SCHIP1: variants seen among roughly 807,000 people sequenced by gnomAD.
SCHIP1 encodes the protein schwannomin interacting protein 1, also known as schwannomin-interacting protein 1.
Under a neutral mutation model 29.7 loss-of-function variants are expected in SCHIP1, and 8 were observed. The ratio of observed to expected loss-of-function variants is 0.27; its 90% confidence interval spans 0.16 to 0.49. SCHIP1 has a LOEUF of 0.49. SCHIP1 is among the 20% of genes least tolerant of loss of function. The pLI, the probability that SCHIP1 is intolerant of heterozygous loss-of-function variation, is 0.99. For synonymous variants in SCHIP1, 76 were observed against 94.9 expected (o/e 0.80, Z 1.16); for missense variants, 193 against 294.6 (o/e 0.66, Z 2.52).
At chr3:159,357,326 G>T in the SCHIP1 span, among the ~76,000 whole-genome samples, 1 of 152,174 alleles carries the variant, frequency 6.6e-6, no homozygotes, top group Non-Finnish European at 1.5e-5. Context: ...AGGAGAAAGT[G>T]CCCTTTTCTG....
At chr3:159,363,840 TG>T in the SCHIP1 span, among the ~76,000 whole-genome samples, 1 of 152,208 alleles carries the variant, frequency 6.6e-6, no homozygotes, top group African/African-American at 2.4e-5. Context: ...GGATACTTTT[TG>T]ATAATGATAA....
chr3:159,647,058 C>T, the SCHIP1 span, among the ~76,000 whole-genome samples: 130 of 151,532 alleles, frequency 8.6e-4, 1 homozygote, highest in South Asian at 5.4e-3. Flanking sequence ...ATAAGGTAAC[C>T]GAAATGGAAT....
the SCHIP1 span, among the ~76,000 whole-genome samples, chr3:159,476,492 G>A: frequency 6.6e-6 from 1 of 151,954 alleles, no homozygotes; most frequent in Non-Finnish European, 1.5e-5. Context: ...AAAATATTTA[G>A]GTATACCAAA....
At chr3:159,757,884 G>C in the SCHIP1 span, among the ~76,000 whole-genome samples, 1 of 152,290 alleles carries the variant, frequency 6.6e-6, no homozygotes, top group African/African-American at 2.4e-5. Context: ...GTCAAGACAT[G>C]ACCAAAACAG....
At chr3:159,385,547 A>G in the SCHIP1 span, among the ~76,000 whole-genome samples, 2 of 150,132 alleles carry the variant, frequency 1.3e-5, no homozygotes, top group Admixed American at 6.7e-5. Flanking sequence ...ATAGATCAAG[A>G]GCAAGACTCT....
the SCHIP1 span, among the ~76,000 whole-genome samples, chr3:159,813,253 A>G: frequency 6.6e-6 from 1 of 152,324 alleles, no homozygotes; most frequent in East Asian, 1.9e-4. Context: ...TCAATTCACC[A>G]TCTTATTATT....
At chr3:159,702,999 A>G in the SCHIP1 span, among the ~76,000 whole-genome samples, 3 of 152,220 alleles carry the variant, frequency 2.0e-5, no homozygotes, top group Non-Finnish European at 2.9e-5. Flanking sequence ...TGTCAGTATA[A>G]TTGACATAGT....
upstream of SCHIP1, among the ~76,000 whole-genome samples, chr3:159,839,226 TG>T (rs939401087): frequency 6.6e-6 from 1 of 151,846 alleles, no homozygotes; most frequent in Non-Finnish European, 1.5e-5. Context: ...TGTGCTGCAT[TG>T]GGGGGTGTCC....
chr3:159,474,171 G>A, the SCHIP1 span, among the ~76,000 whole-genome samples: 1 of 152,058 alleles, frequency 6.6e-6, no homozygotes, highest in Non-Finnish European at 1.5e-5. Flanking sequence ...ATAGATATGA[G>A]ACCAAAATAT....
the SCHIP1 span, among the ~76,000 whole-genome samples, chr3:159,400,155 G>T: frequency 4.6e-5 from 7 of 152,316 alleles, no homozygotes; most frequent in African/African-American, 1.7e-4. Context: ...CTGTATGTTA[G>T]CAGATTGTCA....
At chr3:159,796,965 A>G in the SCHIP1 span, among the ~76,000 whole-genome samples, 10 of 152,234 alleles carry the variant, frequency 6.6e-5, no homozygotes. Flanking sequence ...TTCCATGACT[A>G]ACTGACTTTT....
the SCHIP1 span, among the ~76,000 whole-genome samples, chr3:159,295,075 A>C: frequency 6.6e-6 from 1 of 151,990 alleles, no homozygotes; most frequent in East Asian, 1.9e-4. Context: ...AAATGATTCA[A>C]TATAAAGGTC....
rs147514974 is a variant in SCHIP1 at position 159,887,487 on chromosome 3, C to G, written c.268-221C>G. 4.7e-4 allele frequency: 236 copies of G among 504,196 alleles called. 1 individual carries two copies. The highest frequency in any genetic ancestry group is 4.1e-3 in the African/African-American group (218 of 52,616). 31.2% of individuals were successfully genotyped at this position (504,196 alleles called of 1,614,324 possible). ...TTCAAGGTTGTTGTAAATATATTTC[C>G]CATTATTAACTATACTGCTCTCTCT... On this transcript the variant is annotated intron_variant, in intron 3 of 6. Transcript: ENST00000445224.
chr3:159,473,674 G>GAAAAAAAAAAAAAAAAAA, the SCHIP1 span, among the ~76,000 whole-genome samples: 21 of 81,432 alleles, frequency 2.6e-4, no homozygotes, highest in African/African-American at 6.5e-4. Flanking sequence ...ATGTAACTAC[G>GAAAAAAAAAAAAAAAAAA]AAAAAAAAAA....
the SCHIP1 span, among the ~76,000 whole-genome samples, chr3:159,728,060 A>T: frequency 6.7e-6 from 1 of 149,560 alleles, no homozygotes; most frequent in Non-Finnish European, 1.5e-5. Flanking sequence ...ATAAATCTGG[A>T]CCCATTGTTA....
At chr3:159,362,836 T>A in the SCHIP1 span, among the ~76,000 whole-genome samples, 22 of 152,320 alleles carry the variant, frequency 1.4e-4, no homozygotes, top group African/African-American at 5.3e-4. Flanking sequence ...CCCTGAAGAC[T>A]GGTCACTTTA....
chr3:159,466,624 A>G, the SCHIP1 span, among the ~76,000 whole-genome samples: 2 of 152,132 alleles, frequency 1.3e-5, no homozygotes, highest in African/African-American at 4.8e-5. Flanking sequence ...TTTGGAATGA[A>G]GCACTATTTT....
At chr3:159,607,269 T>C in the SCHIP1 span, among the ~76,000 whole-genome samples, 1 of 152,218 alleles carries the variant, frequency 6.6e-6, no homozygotes, top group African/African-American at 2.4e-5. Flanking sequence ...GTTCCAATAA[T>C]TGTTTACACA....
the SCHIP1 span, among the ~76,000 whole-genome samples, chr3:159,337,990 T>A: frequency 6.6e-6 from 1 of 152,194 alleles, no homozygotes; most frequent in Non-Finnish European, 1.5e-5. Context: ...TCCTTCAATC[T>A]TAACTTCATT....
Sources: gnomAD v4.1 joint callset for allele counts (sites outside exome capture counted in the v4.1 genomes callset) on GRCh38, gnomAD v4.1.1 for gene constraint, MANE v1.5 for transcripts, NCBI Gene and HGNC (gene_info 2026-07-23, HGNC 2026-07-21) for gene names.